The following CSMD1 variants were observed in gnomAD, a reference collection of about 807,000 sequenced individuals.
CSMD1 encodes the protein CUB and sushi domain-containing protein 1.
CSMD1 carries 213 observed loss-of-function variants against 417.5 expected under a neutral mutation model. That is an observed-to-expected ratio of 0.51 (90% CI 0.46 to 0.57). The LOEUF (loss-of-function observed/expected upper bound fraction) is 0.57, where lower values mean the gene tolerates loss of function less well. Ranked by LOEUF, CSMD1 falls within the 20% of genes least tolerant of loss-of-function variation. The pLI, the probability that CSMD1 is intolerant of heterozygous loss-of-function variation, is 0.00. For synonymous variants in CSMD1, 2,862 were observed against 1,736.8 expected (o/e 1.65, Z -16.11); for missense variants, 6,923 against 4,529.7 (o/e 1.53, Z -15.17).
At chr8:2,994,417 G>C (rs1242351255) in intron 54 of CSMD1, among the ~76,000 whole-genome samples, 1 of 152,140 alleles carries the variant, frequency 6.6e-6, no homozygotes, top group Non-Finnish European at 1.5e-5. Context: ...TGCTGCTGTG[G>C]TGAGGACGCA....
intron 1 of CSMD1, among the ~76,000 whole-genome samples, chr8:4,859,751 C>G (rs1802015587): frequency 6.6e-6 from 1 of 151,814 alleles, no homozygotes; most frequent in South Asian, 2.1e-4. Flanking sequence ...ATTAAAAAGT[C>G]AGGAAACAAC....
chr8:4,416,448 T>G (rs182371135), intron 3 of CSMD1, among the ~76,000 whole-genome samples: 1 of 152,210 alleles, frequency 6.6e-6, no homozygotes, highest in Non-Finnish European at 1.5e-5. Context: ...ACATTTGAAA[T>G]TATATTCATA....
intron 22 of CSMD1, among the ~76,000 whole-genome samples, chr8:3,345,588 T>G (rs1394699498): frequency 6.6e-6 from 1 of 152,208 alleles, no homozygotes; most frequent in Non-Finnish European, 1.5e-5. Context: ...CATTTCCTAG[T>G]TATATTTTTT....
intron 44 of CSMD1, 87 bp from the exon 45 acceptor site, chr8:3,107,885 G>C: frequency 1.2e-6 from 1 of 830,350 alleles, no homozygotes; most frequent in South Asian, 1.6e-5. Context: ...TCTTGCAGTT[G>C]TTATAATGCT....
At chr8:4,374,409 G>A (rs530182608) in intron 3 of CSMD1, among the ~76,000 whole-genome samples, 1 of 152,284 alleles carries the variant, frequency 6.6e-6, no homozygotes, top group Non-Finnish European at 1.5e-5. Context: ...AGGGGCTGAA[G>A]GCACCTGAAA....
intron 3 of CSMD1, among the ~76,000 whole-genome samples, chr8:4,052,018 C>A (rs1448581107): frequency 6.6e-6 from 1 of 151,914 alleles, no homozygotes; most frequent in East Asian, 1.9e-4. Flanking sequence ...CTCTGTCTCC[C>A]TGTCATATAC....
chr8:4,873,879 C>G (rs569664930), intron 1 of CSMD1, among the ~76,000 whole-genome samples: 1 of 151,854 alleles, frequency 6.6e-6, no homozygotes. Context: ...TGAAGCACTA[C>G]GGCTTTTAGA....
At chr8:3,715,119 G>C (rs537998459) in intron 6 of CSMD1, among the ~76,000 whole-genome samples, 3 of 152,278 alleles carry the variant, frequency 2.0e-5, no homozygotes, top group African/African-American at 4.8e-5. Context: ...CTGAGGAAGA[G>C]TCATCGAAAT....
At chr8:3,414,819 C>G (rs1396819694) in intron 12 of CSMD1, among the ~76,000 whole-genome samples, 1 of 152,192 alleles carries the variant, frequency 6.6e-6, no homozygotes, top group East Asian at 1.9e-4. Context: ...TTAGTCCATT[C>G]TTTCCTCTGT....
chr8:4,222,734 A>G (rs1801114315), intron 3 of CSMD1, among the ~76,000 whole-genome samples: 1 of 152,164 alleles, frequency 6.6e-6, no homozygotes, highest in South Asian at 2.1e-4. Context: ...AAAGTGGTCA[A>G]ACACTCTTTC....
At chr8:4,082,771 C>A (rs905396655) in intron 3 of CSMD1, among the ~76,000 whole-genome samples, 2 of 119,366 alleles carry the variant, frequency 1.7e-5, no homozygotes, top group East Asian at 6.0e-4. Context: ...CCCCTCCCCC[C>A]ACCCCACAAC....
chr8:3,157,926 C>A lies in CSMD1; in HGVS notation c.5885G>T (p.Arg1962Leu), dbSNP rs1057015722. The change falls in exon 39 of 70, where the codon CGT (arginine) becomes CTT (leucine). Residue 1962 changes from arginine to leucine, a missense_variant. Physicochemically the swap from Arg to Leu is moderately radical, Grantham distance 102. Coordinates refer to ENST00000635120, the MANE Select transcript of CSMD1 (RefSeq NM_033225.6). ...HISCMPGTVR[R>L]WNYPSPLCIA... Reference sequence around the variant, plus strand: ...GCACAGGGGAGACGGATAGTTCCAACGGCGAACGGTCCCTGGCATACAGGA... The same window carrying A: ...GCACAGGGGAGACGGATAGTTCCAAAGGCGAACGGTCCCTGGCATACAGGA... 6.4e-7 allele frequency: 1 copy of A among 1,554,832 alleles called. No homozygotes were observed. The highest frequency in any genetic ancestry group is 8.7e-7 in the Non-Finnish European group (1 of 1,148,758).
intron 57 of CSMD1, among the ~76,000 whole-genome samples, chr8:2,969,047 A>ATATC (rs1804212469): frequency 6.6e-6 from 1 of 152,172 alleles, no homozygotes; most frequent in Non-Finnish European, 1.5e-5. Context: ...ATAGATGTGA[A>ATATC]TATCTGCTCA....
intron 1 of CSMD1, among the ~76,000 whole-genome samples, chr8:4,902,438 A>T (rs866993730): frequency 6.6e-4 from 100 of 151,938 alleles, no homozygotes; most frequent in African/African-American, 2.4e-3. Context: ...AGAGGAGAAA[A>T]AAAAAAAAGA....
At chr8:3,391,900 G>A (rs1477283308) in intron 17 of CSMD1, among the ~76,000 whole-genome samples, 1 of 152,146 alleles carries the variant, frequency 6.6e-6, no homozygotes, top group African/African-American at 2.4e-5. Context: ...AAACAGAAGA[G>A]ATGAGCAATA....
intron 7 of CSMD1, among the ~76,000 whole-genome samples, chr8:3,642,566 T>G (rs1797360909): frequency 6.6e-6 from 1 of 152,122 alleles, no homozygotes; most frequent in Non-Finnish European, 1.5e-5. Flanking sequence ...GAACAGAAGT[T>G]TGCATAAAGG....
intron 25 of CSMD1, among the ~76,000 whole-genome samples, chr8:3,295,423 G>A (rs1282809402): frequency 1.3e-5 from 2 of 152,118 alleles, no homozygotes; most frequent in African/African-American, 4.8e-5. Context: ...ACTGAGCCCA[G>A]CCTCAATTTG....
At chr8:3,468,617 T>A (rs538386295) in intron 12 of CSMD1, 95 bp downstream of exon 12, 1 of 677,940 alleles carries the variant, frequency 1.5e-6, no homozygotes, top group East Asian at 2.9e-5. Context: ...ATTGTTTGAC[T>A]TGTTGATTTT....
intron 46 of CSMD1, among the ~76,000 whole-genome samples, chr8:3,102,058 T>A (rs1815796557): frequency 6.6e-6 from 1 of 152,114 alleles, no homozygotes; most frequent in African/African-American, 2.4e-5. Flanking sequence ...CACCTCGGCC[T>A]CCAAAAGTGC....
Sources: gnomAD v4.1 joint callset for allele counts (sites outside exome capture counted in the v4.1 genomes callset) on GRCh38, gnomAD v4.1.1 for gene constraint, MANE v1.5 for transcripts, NCBI Gene and HGNC (gene_info 2026-07-23, HGNC 2026-07-21) for gene names.